CXCL13: variants seen among roughly 807,000 people sequenced by gnomAD.
CXCL13 encodes C-X-C motif chemokine ligand 13.
Under a neutral mutation model 12.2 loss-of-function variants are expected in CXCL13, and 7 were observed. The ratio of observed to expected loss-of-function variants is 0.57; its 90% CI spans 0.33 to 1.07. The LOEUF (loss-of-function observed/expected upper bound fraction) is 1.07, where lower values mean the gene tolerates loss of function less well. Ranked by LOEUF, CXCL13 falls within the 50% of genes least tolerant of loss-of-function variation. The pLI is 0.04. For missense variants in CXCL13, 113 were observed against 127.4 expected (o/e 0.89, Z 0.55); for synonymous variants, 47 against 42.4 (o/e 1.11, Z -0.42).
chr4:77,590,872 T>G (rs895981462), intron 1 of CXCL13, among the ~76,000 whole-genome samples: 17 of 152,212 alleles, frequency 1.1e-4, no homozygotes, highest in African/African-American at 4.1e-4. Context: ...GTTACCTGTC[T>G]CATACTATTT....
chr4:77,555,001 A>T (rs1422704735), intron 1 of CXCL13, among the ~76,000 whole-genome samples: 1 of 152,068 alleles, frequency 6.6e-6, no homozygotes, highest in African/African-American at 2.4e-5. Flanking sequence ...TAATGATACA[A>T]AATTTTACAT....
At chr4:77,518,854 G>A (rs994773824) in intron 1 of CXCL13, among the ~76,000 whole-genome samples, 20 of 152,220 alleles carry the variant, frequency 1.3e-4, no homozygotes, top group Non-Finnish European at 2.9e-4. Flanking sequence ...ATCCTTTGGA[G>A]AAGGAGAGGT....
chr4:77,591,633 T>G (rs1271304820), intron 1 of CXCL13, among the ~76,000 whole-genome samples: 2 of 151,764 alleles, frequency 1.3e-5, no homozygotes, highest in African/African-American at 4.8e-5. Context: ...CAGACACAGC[T>G]TCTCTAGTCC....
chr4:77,528,409 T>A (rs1036602372), intron 1 of CXCL13, among the ~76,000 whole-genome samples: 1 of 152,212 alleles, frequency 6.6e-6, no homozygotes, highest in African/African-American at 2.4e-5. Context: ...GTAAAAGTGT[T>A]CCTATTTCTC....
At chr4:77,516,342 C>T (rs1203049555) in intron 1 of CXCL13, among the ~76,000 whole-genome samples, 2 of 152,102 alleles carry the variant, frequency 1.3e-5, no homozygotes, top group Non-Finnish European at 2.9e-5. Flanking sequence ...AGGGAGGATT[C>T]CCTCTTTTTC....
At chr4:77,558,444 C>T (rs1215114464) in intron 1 of CXCL13, among the ~76,000 whole-genome samples, 1 of 152,134 alleles carries the variant, frequency 6.6e-6, no homozygotes. Flanking sequence ...CCTCTGCCTC[C>T]CAAATTCAAG....
At chr4:77,541,902 C>G (rs1256214629) in intron 1 of CXCL13, among the ~76,000 whole-genome samples, 1 of 152,022 alleles carries the variant, frequency 6.6e-6, no homozygotes, top group Non-Finnish European at 1.5e-5. Context: ...GCGGTGTTTT[C>G]TAGTTCTCCT....
intron 1 of CXCL13, among the ~76,000 whole-genome samples, chr4:77,537,825 G>C (rs577563325): frequency 3.9e-5 from 6 of 152,244 alleles, no homozygotes; most frequent in African/African-American, 1.4e-4. Context: ...GGGTAGACAT[G>C]TGATTCAATT....
intron 2 of CXCL13, 81 bp downstream of exon 2, chr4:77,607,916 C>T (rs914503923): frequency 2.9e-6 from 4 of 1,378,136 alleles, no homozygotes; most frequent in African/African-American, 1.4e-5. Flanking sequence ...TAGTCTTACT[C>T]AAGAATGTCG....
chr4:77,602,751 T>A (rs1253498589), upstream of CXCL13, among the ~76,000 whole-genome samples: 5 of 152,230 alleles, frequency 3.3e-5, no homozygotes, highest in African/African-American at 1.2e-4. Flanking sequence ...AGGGTATCTA[T>A]AAAATCTATT....
chr4:77,528,501 T>C (rs1200592193), intron 1 of CXCL13, among the ~76,000 whole-genome samples: 1 of 152,218 alleles, frequency 6.6e-6, no homozygotes, highest in South Asian at 2.1e-4. Flanking sequence ...CTCATTGTGG[T>C]TTTGATTTGC....
chr4:77,600,990 G>A (rs986109511), upstream of CXCL13, among the ~76,000 whole-genome samples: 1 of 152,132 alleles, frequency 6.6e-6, no homozygotes, highest in African/African-American at 2.4e-5. Flanking sequence ...CTTCTGGTCA[G>A]CACACAGGCA....
intron 1 of CXCL13, among the ~76,000 whole-genome samples, chr4:77,584,860 A>C (rs902459342): frequency 6.6e-6 from 1 of 152,212 alleles, no homozygotes; most frequent in Non-Finnish European, 1.5e-5. Context: ...TGGCAAAAGG[A>C]AGGAGAAATA....
intron 1 of CXCL13, among the ~76,000 whole-genome samples, chr4:77,535,979 T>A (rs1366757151): frequency 6.6e-6 from 1 of 152,178 alleles, no homozygotes; most frequent in Non-Finnish European, 1.5e-5. Flanking sequence ...TTTAGAATAC[T>A]TTGTTGAGCA....
intron 1 of CXCL13, among the ~76,000 whole-genome samples, chr4:77,561,849 G>A (rs1052280226): frequency 6.6e-6 from 1 of 152,202 alleles, no homozygotes; most frequent in Non-Finnish European, 1.5e-5. Context: ...GCTGGCCGAG[G>A]CTGGAGCTGG....
rs564882988 is a variant in CXCL13, at chr4:77,555,766, A to T, written c.-43+43978A>T. Among the ~76,000 whole-genome samples the T allele has an allele frequency of 8.5e-5, 13 of 152,304 alleles. No homozygotes were observed. The South Asian group carries it at 2.7e-3, about 32-fold the overall frequency. ...GACCTGTATCCAGAATATATAAAGA[A>T]CATTTACAACTTGATAATGAAGACA... On this transcript the variant is annotated intron_variant, in intron 1 of 4. Coordinates refer to the CXCL13 transcript ENST00000286758.
At chr4:77,566,804 C>T (rs183627348) in intron 1 of CXCL13, among the ~76,000 whole-genome samples, 1 of 152,120 alleles carries the variant, frequency 6.6e-6, no homozygotes, top group African/African-American at 2.4e-5. Context: ...AACAACACAA[C>T]CTTAAGAATG....
At chr4:77,515,616 A>G (rs189618449) in intron 1 of CXCL13, among the ~76,000 whole-genome samples, 2 of 151,918 alleles carry the variant, frequency 1.3e-5, no homozygotes, top group Non-Finnish European at 2.9e-5. Context: ...TTTGTCTGTT[A>G]TTGGTGTATA....
chr4:77,523,379 C>T (rs1300825956), intron 1 of CXCL13, among the ~76,000 whole-genome samples: 2 of 152,152 alleles, frequency 1.3e-5, no homozygotes, highest in East Asian at 3.9e-4. Flanking sequence ...TTCATAGAGT[C>T]GCATATTTCT....
Sources: gnomAD v4.1 joint callset for allele counts (sites outside exome capture counted in the v4.1 genomes callset) on GRCh38, gnomAD v4.1.1 for gene constraint, MANE v1.5 for transcripts, NCBI Gene and HGNC (gene_info 2026-07-23, HGNC 2026-07-21) for gene names.